The following STXBP6 variants were observed in gnomAD, a reference collection of about 807,000 sequenced individuals.
STXBP6 encodes syntaxin binding protein 6, also known as syntaxin-binding protein 6.
Under a neutral mutation model 26.9 loss-of-function variants are expected in STXBP6, and 21 were observed. That is an observed-to-expected ratio of 0.78 (90% confidence interval 0.55 to 1.12). The LOEUF (loss-of-function observed/expected upper bound fraction) is 1.12, where lower values mean the gene tolerates loss of function less well. Ranked by LOEUF, STXBP6 falls within the 50% of genes most tolerant of loss-of-function variation. The pLI is 0.00. For synonymous variants in STXBP6, 97 were observed against 92.6 expected, an observed-to-expected ratio of 1.05 and a Z score of -0.27; for missense variants, 232 against 257.9, an observed-to-expected ratio of 0.90 and a Z score of 0.69.
intron 2 of STXBP6, among the ~76,000 whole-genome samples, chr14:24,895,761 G>C (rs1363012590): frequency 6.6e-6 from 1 of 152,202 alleles, no homozygotes; most frequent in African/African-American, 2.4e-5. Flanking sequence ...CAGCTCACCT[G>C]GGCTGACATC....
chr14:24,919,001 T>C (rs996901033), intron 2 of STXBP6, among the ~76,000 whole-genome samples: 10 of 152,042 alleles, frequency 6.6e-5, no homozygotes, highest in Non-Finnish European at 1.5e-4. Flanking sequence ...AACAGTGTGC[T>C]CAAGATGGAA....
intron 2 of STXBP6, among the ~76,000 whole-genome samples, chr14:24,919,611 G>T (rs2071908113): frequency 6.6e-6 from 1 of 151,588 alleles, no homozygotes; most frequent in African/African-American, 2.4e-5. Context: ...TCTAAGAGGA[G>T]TTATTTTGCG....
rs200590274 is a variant in STXBP6 at position 24,990,590 on chromosome 14, G to A, written c.-32-15740C>T. ...GGAGAATTGCTTGAACCTGGGAGGC[G>A]GAGGTTGCAGTGAGTCGAGATCATG... On this transcript the variant is annotated intron_variant, in intron 1 of 5. Transcript: ENST00000323944. 3.4e-5 allele frequency among the ~76,000 whole-genome samples: 5 copies of A among 147,834 alleles called. No individual in the cohort carries two copies. In the East Asian group the frequency reaches 5.9e-4, roughly 18 times the overall value.
chr14:25,005,643 T>C (rs1255218346), intron 1 of STXBP6, among the ~76,000 whole-genome samples: 2 of 152,176 alleles, frequency 1.3e-5, no homozygotes, highest in Non-Finnish European at 2.9e-5. Flanking sequence ...ATACTACACT[T>C]TTGTGGAGTC....
In STXBP6 at chr14:25,011,051, T is replaced by C. The variant is rs79843530; in HGVS notation, c.-32-36201A>G. ...ATCAGATATTGAGACCGTTTCACAA[T>C]GGCAGATTTAATGTTGAGAAAAATA... On this transcript the variant is annotated intron_variant, in intron 1 of 5. Transcript: ENST00000323944. 8.0e-3 allele frequency among the ~76,000 whole-genome samples: 1,213 copies of C among 152,310 alleles called. 14 individuals carry two copies. Among genetic ancestry groups the C allele is most frequent in the African/African-American group, 0.028 (1,162 of 41,572 alleles).
chr14:24,928,351 T>C (rs1194046257), intron 2 of STXBP6, among the ~76,000 whole-genome samples: 1 of 151,882 alleles, frequency 6.6e-6, no homozygotes, highest in Non-Finnish European at 1.5e-5. Context: ...TCAATGTTTC[T>C]AAACAAACCA....
chr14:24,910,773 C>T (rs1566468313), intron 2 of STXBP6, among the ~76,000 whole-genome samples: 1 of 152,154 alleles, frequency 6.6e-6, no homozygotes, highest in African/African-American at 2.4e-5. Flanking sequence ...TTAAAACAAC[C>T]ACTACCACGC....
At chr14:24,824,471 C>T (rs1428689712) in intron 4 of STXBP6, among the ~76,000 whole-genome samples, 2 of 152,152 alleles carry the variant, frequency 1.3e-5, no homozygotes, top group Non-Finnish European at 2.9e-5. Context: ...AATGCAAAGC[C>T]TACCCGGTGA....
At chr14:24,928,380 T>C (rs1350828188) in intron 2 of STXBP6, among the ~76,000 whole-genome samples, 5 of 139,664 alleles carry the variant, frequency 3.6e-5, no homozygotes, top group Non-Finnish European at 7.7e-5. Flanking sequence ...TGGTTTGTTT[T>C]GCTTTTTTTT....
At chr14:25,045,374 AC>A (rs1015783124) in intron 1 of STXBP6, among the ~76,000 whole-genome samples, 2 of 152,172 alleles carry the variant, frequency 1.3e-5, no homozygotes, top group African/African-American at 4.8e-5. Context: ...ACTGATTAAT[AC>A]CCACCCCAAC....
At chr14:24,997,471 G>A (rs1178021875) in intron 1 of STXBP6, among the ~76,000 whole-genome samples, 3 of 151,924 alleles carry the variant, frequency 2.0e-5, no homozygotes, top group Middle Eastern at 3.2e-3. Flanking sequence ...TGAATATTTT[G>A]CAACTTCTAT....
intron 1 of STXBP6, among the ~76,000 whole-genome samples, chr14:24,982,687 G>A (rs2074229127): frequency 6.6e-6 from 1 of 152,168 alleles, no homozygotes; most frequent in Admixed American, 6.5e-5. Flanking sequence ...ACTCATGTCT[G>A]CTTCAACTAT....
chr14:24,863,674 CT>C (rs1231105009), intron 2 of STXBP6, among the ~76,000 whole-genome samples: 1 of 152,102 alleles, frequency 6.6e-6, no homozygotes, highest in Non-Finnish European at 1.5e-5. Context: ...CAGCATCTCT[CT>C]TAAGTAATTC....
intron 1 of STXBP6, among the ~76,000 whole-genome samples, chr14:24,991,621 C>T (rs1482642886): frequency 6.6e-6 from 1 of 152,184 alleles, no homozygotes; most frequent in Non-Finnish European, 1.5e-5. Context: ...CATATTAATG[C>T]AAGATGACTT....
chr14:24,916,665 T>A (rs563948082), intron 2 of STXBP6, among the ~76,000 whole-genome samples: 1 of 152,220 alleles, frequency 6.6e-6, no homozygotes, highest in Non-Finnish European at 1.5e-5. Context: ...TGGATTAGAA[T>A]GTTTCCAACT....
At chr14:24,835,971 C>T (rs1214856683) in intron 4 of STXBP6, among the ~76,000 whole-genome samples, 3 of 152,204 alleles carry the variant, frequency 2.0e-5, no homozygotes, top group Non-Finnish European at 4.4e-5. Flanking sequence ...AGCATTACTG[C>T]ACACTGTAGT....
intron 2 of STXBP6, among the ~76,000 whole-genome samples, chr14:24,933,611 C>T (rs1464735695): frequency 2.6e-5 from 4 of 151,426 alleles, no homozygotes; most frequent in Admixed American, 2.0e-4. Flanking sequence ...TTTTTTTTTG[C>T]AGTCGACACA....
At chr14:24,967,336 G>A (rs1030116422) in intron 2 of STXBP6, among the ~76,000 whole-genome samples, 2 of 152,192 alleles carry the variant, frequency 1.3e-5, no homozygotes, top group African/African-American at 4.8e-5. Context: ...GACTGTATGA[G>A]CACTGAAGAA....
intron 2 of STXBP6, among the ~76,000 whole-genome samples, chr14:24,865,339 T>A (rs775559286): frequency 4.0e-5 from 6 of 151,744 alleles, no homozygotes; most frequent in African/African-American, 4.8e-5. Flanking sequence ...TTTGAGAGAG[T>A]TTCTAGGCTG....
Sources: allele counts gnomAD v4.1 joint callset (sites outside exome capture counted in the v4.1 genomes callset), GRCh38; gene constraint gnomAD v4.1.1; transcripts MANE v1.5; gene names NCBI Gene and HGNC (gene_info 2026-07-23, HGNC 2026-07-21).